DNAH6: variants seen among roughly 807,000 people sequenced by gnomAD.
The protein encoded by DNAH6 is axonemal beta dynein heavy chain 6.
A neutral mutation model predicts 491.4 loss-of-function variants in DNAH6; 340 were observed. The ratio of observed to expected loss-of-function variants is 0.69; its 90% CI spans 0.63 to 0.76. The LOEUF (loss-of-function observed/expected upper bound fraction) is 0.76. Ranked by LOEUF, DNAH6 falls within the 30% of genes least tolerant of loss-of-function variation. The probability of loss-of-function intolerance (pLI) is 0.00; values close to 1 mark genes in which losing one functional copy is unlikely to be tolerated. For missense variants in DNAH6, 4,443 were observed against 4,972.2 expected (o/e 0.89, Z 3.20); for synonymous variants, 1,603 against 1,686.1 (o/e 0.95, Z 1.21).
intron 63 of DNAH6, chr2:84,750,630 G>A (rs1372776193): frequency 6.6e-6 from 1 of 152,050 alleles, no homozygotes; most frequent in African/African-American, 2.4e-5. Flanking sequence ...AAATAAGATT[G>A]GCCTTGTACT....
intron 22 of DNAH6, 146 bp downstream of exon 22, chr2:84,612,000 A>G: frequency 1.6e-6 from 1 of 618,738 alleles, no homozygotes; most frequent in African/African-American, 1.9e-5. Context: ...ATGACTAGGA[A>G]TCCTTGCATT....
intron 18 of DNAH6, 124 bp downstream of exon 18, chr2:84,595,913 T>C: frequency 9.1e-7 from 1 of 1,093,790 alleles, no homozygotes; most frequent in Non-Finnish European, 1.2e-6. Context: ...GAAAAAACAA[T>C]AGTCAAATTC....
chr2:84,789,394 A>G (rs1677531844), intron 68 of DNAH6, among the ~76,000 whole-genome samples: 1 of 152,224 alleles, frequency 6.6e-6, no homozygotes, highest in African/African-American at 2.4e-5. Context: ...GGCAGACAAG[A>G]GCAAAGCTTT....
chr2:84,522,440 C>T (rs1400158823), intron 2 of DNAH6, among the ~76,000 whole-genome samples: 1 of 152,112 alleles, frequency 6.6e-6, no homozygotes, highest in African/African-American at 2.4e-5. Flanking sequence ...TTGACTTCCT[C>T]TCTTCCTATT....
At chr2:84,496,814 A>G in the DNAH6 span, among the ~76,000 whole-genome samples, 3 of 152,162 alleles carry the variant, frequency 2.0e-5, no homozygotes, top group Non-Finnish European at 2.9e-5. Flanking sequence ...AAGATATAAA[A>G]CATTTCCATC....
At chr2:84,581,209 G>A (rs777366647) in intron 14 of DNAH6, among the ~76,000 whole-genome samples, 1 of 152,204 alleles carries the variant, frequency 6.6e-6, no homozygotes, top group South Asian at 2.1e-4. Context: ...CTATCACCTT[G>A]TGGTTCCAGA....
intron 16 of DNAH6, among the ~76,000 whole-genome samples, chr2:84,590,014 C>T (rs1365233530): frequency 6.6e-6 from 1 of 151,976 alleles, no homozygotes; most frequent in Non-Finnish European, 1.5e-5. Flanking sequence ...GATATGCTGT[C>T]TACTCCAGGG....
intron 23 of DNAH6, among the ~76,000 whole-genome samples, chr2:84,618,338 A>T (rs1687080241): frequency 1.3e-5 from 2 of 152,184 alleles, no homozygotes; most frequent in South Asian, 4.1e-4. Context: ...CACCAGCTTC[A>T]GTCATCCATG....
Position 84,558,804 on chromosome 2 carries a change from C to T in DNAH6, c.1803+869C>T, listed in dbSNP as rs568913492. Among the ~76,000 whole-genome samples the T allele has an allele frequency of 5.9e-5, 9 of 152,264 alleles. No individual in the cohort carries two copies. The East Asian group carries it at 1.7e-3, about 29-fold the overall frequency. ...TGATCGATGTGAGAAGGTAAAGAAA[C>T]AAGCATTATTCCTCGGCTTGCTTCT... On this transcript the variant is annotated intron_variant, in intron 11 of 76. Coordinates refer to ENST00000389394, the MANE Select transcript of DNAH6 (RefSeq NM_001370.2).
chr2:84,637,893 T>G (rs1689027022), intron 31 of DNAH6, among the ~76,000 whole-genome samples: 1 of 152,140 alleles, frequency 6.6e-6, no homozygotes, highest in Admixed American at 6.6e-5. Context: ...TCTTTCTATT[T>G]AAACTGGCTT....
chr2:84,490,272 C>CTTTCTTTTCTTTCTCTT, the DNAH6 span, among the ~76,000 whole-genome samples: 4 of 151,890 alleles, frequency 2.6e-5, no homozygotes, highest in African/African-American at 9.7e-5. Flanking sequence ...TTTCTTTCTT[C>CTTTCTTTTCTTTCTCTT]TTTCTTTTCT....
At chr2:84,641,363 T>A (rs545137631) in intron 32 of DNAH6, among the ~76,000 whole-genome samples, 1 of 152,210 alleles carries the variant, frequency 6.6e-6, no homozygotes, top group East Asian at 1.9e-4. Context: ...TGTCCCCTCT[T>A]TACAGGATGG....
intron 2 of DNAH6, among the ~76,000 whole-genome samples, chr2:84,525,176 G>A (rs1020331197): frequency 1.3e-5 from 2 of 152,032 alleles, no homozygotes; most frequent in Admixed American, 6.6e-5. Flanking sequence ...TTATGGCTAT[G>A]AGAAGTGGTT....
chr2:84,614,964 T>C (rs1390886979), intron 22 of DNAH6, among the ~76,000 whole-genome samples: 1 of 152,186 alleles, frequency 6.6e-6, no homozygotes, highest in African/African-American at 2.4e-5. Flanking sequence ...TTTCCCACTC[T>C]GTGAGTTGTC....
the DNAH6 span, among the ~76,000 whole-genome samples, chr2:84,468,596 G>A: frequency 1.3e-5 from 2 of 152,156 alleles, no homozygotes; most frequent in African/African-American, 2.4e-5. Flanking sequence ...AGTACAGGGA[G>A]GAGAAGAGAA....
intron 68 of DNAH6, among the ~76,000 whole-genome samples, chr2:84,789,445 T>C (rs1330341225): frequency 1.3e-5 from 2 of 152,216 alleles, no homozygotes; most frequent in Non-Finnish European, 2.9e-5. Context: ...TCCTGAAGCA[T>C]TTCTTTGAAG....
At chr2:84,803,114 TAGAA>T (rs1195440564) in intron 70 of DNAH6, among the ~76,000 whole-genome samples, 1 of 152,154 alleles carries the variant, frequency 6.6e-6, no homozygotes, top group Admixed American at 6.5e-5. Context: ...AAGGTATTAA[TAGAA>T]AGACCTCAAA....
At chr2:84,681,873 C>T (rs935199749) in intron 42 of DNAH6, among the ~76,000 whole-genome samples, 3 of 152,150 alleles carry the variant, frequency 2.0e-5, no homozygotes, top group African/African-American at 2.4e-5. Flanking sequence ...CTTCTAATAC[C>T]GAACCCAGTC....
rs773556892 is a variant in DNAH6, at chr2:84,813,165, G to A, written c.11998+35G>A. On this transcript the variant is annotated intron_variant, in intron 74 of 76. Transcript: ENST00000389394. Reference sequence around the variant, plus strand: ...CTTTCTAGAAAAACCCCATAGGAATGGCCATGACTTCTCATACACAGGGTT... The same window carrying A: ...CTTTCTAGAAAAACCCCATAGGAATAGCCATGACTTCTCATACACAGGGTT... The A allele has an allele frequency of 2.8e-6, 4 of 1,452,342 alleles. No homozygotes were observed. The South Asian group carries it at 3.7e-5, about 13-fold the overall frequency. 90.0% of individuals were successfully genotyped at this position (1,452,342 alleles called of 1,614,324 possible). A position where few individuals can be genotyped will look rare whatever the true frequency, so the allele number is the denominator to read the frequency against.
Sources: gnomAD v4.1 joint callset for allele counts (sites outside exome capture counted in the v4.1 genomes callset) on GRCh38, gnomAD v4.1.1 for gene constraint, MANE v1.5 for transcripts, NCBI Gene and HGNC (gene_info 2026-07-23, HGNC 2026-07-21) for gene names.